Variants in FOXK2 observed in about 807,000 individuals in gnomAD.
FOXK2 encodes the protein forkhead box protein K2.
In FOXK2, 24 loss-of-function variants were observed where a neutral mutation model predicts 53.3. The observed-to-expected ratio is 0.45, with a 90% CI of 0.33 to 0.63. FOXK2 has a LOEUF of 0.63. FOXK2 is among the 30% of genes least tolerant of loss of function. The probability of loss-of-function intolerance (pLI) is 0.03; values close to 1 mark genes in which losing one functional copy is unlikely to be tolerated. For missense variants in FOXK2, 952 were observed against 910.5 expected (o/e 1.05, Z -0.59); for synonymous variants, 505 against 407.1 (o/e 1.24, Z -2.89).
Position 82,603,129 on chromosome 17 carries a change from T to A in FOXK2, c.*1630T>A, listed in dbSNP as rs1407431784. On this transcript the variant is annotated 3_prime_UTR_variant, in exon 9 of 9. Coordinates refer to ENST00000335255, the MANE Select transcript of FOXK2 (RefSeq NM_004514.4). ...CGCCCATTGAAAGGTATGAAATGAC[T>A]GCACACTAGCTGGATTATCACTCAG... 6.6e-6 allele frequency: 1 copy of A among 152,498 alleles called. No homozygotes were observed. Among genetic ancestry groups the A allele is most frequent in the Non-Finnish European group, 1.5e-5 (1 of 68,048 alleles). The allele number at this position is 152,498 out of a possible 1,614,324, so 9.4% of individuals were successfully genotyped here.
chr17:82,538,352 G>A (rs990671710), intron 1 of FOXK2, among the ~76,000 whole-genome samples: 6 of 152,280 alleles, frequency 3.9e-5, no homozygotes, highest in African/African-American at 1.2e-4. Flanking sequence ...AGGTGTGGTC[G>A]TGCATTCCTC....
chr17:82,572,489 AT>A (rs10569874), intron 4 of FOXK2, among the ~76,000 whole-genome samples: 20,562 of 143,164 alleles, frequency 0.14, 1,679 homozygotes, highest in East Asian at 0.31. Flanking sequence ...CACACCAATA[AT>A]TTTTTTTTTT....
In FOXK2 at chr17:82,539,654, A is replaced by C. The variant is rs866136344; in HGVS notation, c.419+19347A>C. ...ACACTCGAGACCTTGTTTTAAAAAA[A>C]AAAATTAATTAAAAAATATATGTAA... On this transcript the variant is annotated intron_variant, in intron 1 of 8. Coordinates refer to ENST00000335255, the MANE Select transcript of FOXK2 (RefSeq NM_004514.4). Among the ~76,000 whole-genome samples the C allele has an allele frequency of 3.3e-5, 5 of 149,640 alleles. 1 individual carries two copies. The South Asian group carries it at 6.3e-4, about 19-fold the overall frequency.
At chr17:82,563,328 G>A in intron 1 of FOXK2, 26 bp from the exon 2 acceptor site, 1 of 1,603,164 alleles carries the variant, frequency 6.2e-7, no homozygotes, top group Non-Finnish European at 8.5e-7. Flanking sequence ...AGCAAAAGGT[G>A]CTGATGGTGG....
chr17:82,586,728 C>T (rs1361362294), intron 7 of FOXK2, among the ~76,000 whole-genome samples: 1 of 151,980 alleles, frequency 6.6e-6, no homozygotes, highest in Non-Finnish European at 1.5e-5. Context: ...ACGGAGAAAC[C>T]CTGTCTCTAC....
At chr17:82,557,844 G>A (rs544022229) in intron 1 of FOXK2, among the ~76,000 whole-genome samples, 1 of 152,102 alleles carries the variant, frequency 6.6e-6, no homozygotes, top group South Asian at 2.1e-4. Context: ...GATATGTGGG[G>A]GTCTTGCTAT....
In FOXK2 at chr17:82,601,706, G is replaced by C. The variant is rs1283343670; in HGVS notation, c.*207G>C. 3 of 524,958 alleles carry C rather than the reference G, an allele frequency of 5.7e-6. No homozygotes were observed. The highest frequency in any genetic ancestry group is 1.0e-5 in the Non-Finnish European group (3 of 294,772). The allele number at this position is 524,958 out of a possible 1,614,324, so 32.5% of individuals were successfully genotyped here. ...ACACACAACAAAACCTGATTTGGGA[G>C]ACGGTGTCTCCACTGAGCACCTGCT... On this transcript the variant is annotated 3_prime_UTR_variant, in exon 9 of 9. Transcript: ENST00000335255.
chr17:82,601,435 T>G lies in FOXK2; in HGVS notation c.1919T>G (p.Ile640Ser), dbSNP rs775679671. ...ATCAAGACAGAAGACGGCGAGGGCA[T>G]CGTCATTGCCCTGAGCGTGGACACG... is the stretch of plus-strand genomic sequence containing the variant. ...KRIKTEDGEG[I>S]VIALSVDTPP... The change falls in exon 9 of 9, where the codon ATC becomes AGC. Residue 640 changes from isoleucine (I) to serine (S), a missense_variant. Physicochemically the swap from Ile to Ser is moderately radical, Grantham distance 142. Transcript: ENST00000335255. 41 of 1,612,666 alleles carry G rather than the reference T, an allele frequency of 2.5e-5. No individual in the cohort carries two copies. The highest frequency in any genetic ancestry group is 1.0e-5 in the Non-Finnish European group (12 of 1,180,014).
chr17:82,589,514 G>A (rs1301377677), intron 8 of FOXK2, among the ~76,000 whole-genome samples: 3 of 152,236 alleles, frequency 2.0e-5, no homozygotes, highest in Admixed American at 1.3e-4. Flanking sequence ...CTTTCTTAGT[G>A]TATTTAGCTT....
At chr17:82,594,467 C>G (rs1388000679) in intron 8 of FOXK2, among the ~76,000 whole-genome samples, 1 of 150,594 alleles carries the variant, frequency 6.6e-6, no homozygotes, top group African/African-American at 2.5e-5. Context: ...CACTGCACTC[C>G]CGCCTGGGCG....
intron 1 of FOXK2, 23 bp from the exon 2 acceptor site, chr17:82,563,331 G>GAT (rs776484939): frequency 3.7e-6 from 6 of 1,604,382 alleles, no homozygotes; most frequent in Non-Finnish European, 5.1e-6. Flanking sequence ...AAAAGGTGCT[G>GAT]ATGGTGGGCT....
In FOXK2 at chr17:82,587,054, T is replaced by C. The variant is rs9914529; in HGVS notation, c.1577-9T>C. 0.16 allele frequency: 263,320 copies of C among 1,611,024 alleles called. 24,023 individuals carry two copies. The highest frequency in any genetic ancestry group is 0.37 in the African/African-American group (27,641 of 74,894). On this transcript the variant is annotated splice_polypyrimidine_tract_variant and intron_variant, in intron 7 of 8. Coordinates refer to ENST00000335255, the MANE Select transcript of FOXK2 (RefSeq NM_004514.4). Reference sequence around the variant, plus strand: ...AATATTAATGTCGTTTCTTTTCCTTTAATTTCAGTGAAAGTAGAGCCTATT... The same window carrying C: ...AATATTAATGTCGTTTCTTTTCCTTCAATTTCAGTGAAAGTAGAGCCTATT...
At chr17:82,563,224 A>G (rs1026741105) in intron 1 of FOXK2, 130 bp from the exon 2 acceptor site, 3 of 829,402 alleles carry the variant, frequency 3.6e-6, no homozygotes, top group Admixed American at 3.1e-5. Flanking sequence ...TTATAATAAC[A>G]CGGTGAGCTG....
intron 1 of FOXK2, among the ~76,000 whole-genome samples, chr17:82,552,173 A>G (rs955507807): frequency 2.0e-5 from 3 of 152,278 alleles, no homozygotes; most frequent in Non-Finnish European, 2.9e-5. Context: ...TGCATTGGAC[A>G]TGTTGAAGGC....
chr17:82,543,194 A>G (rs988570838), intron 1 of FOXK2, among the ~76,000 whole-genome samples: 1 of 152,040 alleles, frequency 6.6e-6, no homozygotes, highest in African/African-American at 2.4e-5. Flanking sequence ...CTATTTTTAA[A>G]TGCTTAGTAA....
rs759304962 is a variant in FOXK2, at chr17:82,586,062, G to A, written c.1438G>A (p.Val480Met). The stretch of plus-strand genomic sequence containing the variant: ...TCACGTCGTCCACCAGATCCCAGCG[G>A]TGTCGGTCACCAGTGTGGCCGGACT... ...TVHVVHQIPA[V>M]SVTSVAGLAP... The change falls in exon 7 of 9, where the codon GTG becomes ATG. Residue 480 changes from valine (V) to methionine (M), a missense_variant. Transcript: ENST00000335255. 1.9e-5 allele frequency: 30 copies of A among 1,612,692 alleles called. No homozygotes were observed. Among genetic ancestry groups the A allele is most frequent in the Middle Eastern group, 1.6e-4 (1 of 6,084 alleles).
chr17:82,570,728 C>G (rs2044908369), intron 3 of FOXK2, among the ~76,000 whole-genome samples: 1 of 152,226 alleles, frequency 6.6e-6, no homozygotes, highest in Non-Finnish European at 1.5e-5. Context: ...TTATCTGTTG[C>G]TCTTCATCCA....
rs548281002 is a variant in FOXK2, at chr17:82,544,904, C to T, written c.420-18450C>T. ...GAGCCAGTGCTGCCCACCCAGGTCC[C>T]GGGGGCGCACCCTCTCCATGGTGTG... On this transcript the variant is annotated intron_variant, in intron 1 of 8. Transcript: ENST00000335255. 1.8e-4 allele frequency among the ~76,000 whole-genome samples: 27 copies of T among 151,928 alleles called. No individual in the cohort carries two copies. The East Asian group carries it at 2.9e-3, about 16-fold the overall frequency.
intron 1 of FOXK2, among the ~76,000 whole-genome samples, chr17:82,523,538 T>C (rs1159659389): frequency 1.3e-5 from 2 of 151,678 alleles, no homozygotes; most frequent in Non-Finnish European, 1.5e-5. Context: ...AATGGTATGA[T>C]CTCGGCTCAT....
Sources: gnomAD v4.1 joint callset for allele counts (sites outside exome capture counted in the v4.1 genomes callset) on GRCh38, gnomAD v4.1.1 for gene constraint, MANE v1.5 for transcripts, NCBI Gene and HGNC (gene_info 2026-07-23, HGNC 2026-07-21) for gene names.